CEACAM16: variants seen among roughly 807,000 people sequenced by gnomAD.
CEACAM16 encodes CEA cell adhesion molecule 16, tectorial membrane component, also known as cell adhesion molecule CEACAM16.
Under a neutral mutation model 39.4 loss-of-function variants are expected in CEACAM16, and 30 were observed. The observed-to-expected ratio is 0.76, with a 90% confidence interval of 0.57 to 1.03. The LOEUF (loss-of-function observed/expected upper bound fraction) is 1.03, where lower values mean the gene tolerates loss of function less well. Among genes scored for constraint, CEACAM16 ranks in the 50% least tolerant of loss-of-function variants. The pLI is 0.00. For missense variants in CEACAM16, 521 were observed against 585.3 expected (o/e 0.89, Z 1.13); for synonymous variants, 262 against 264.9 (o/e 0.99, Z 0.11).
At chr19:44,700,003 T>C (rs772792371) in intron 1 of CEACAM16, among the ~76,000 whole-genome samples, 8 of 151,870 alleles carry the variant, frequency 5.3e-5, no homozygotes, top group Non-Finnish European at 8.8e-5. Context: ...CTTTTATTTT[T>C]TGTTTTTGCT....
At chr19:44,707,737 G>A in intron 5 of CEACAM16, 124 bp from the exon 6 acceptor site, 1 of 784,246 alleles carries the variant, frequency 1.3e-6, no homozygotes, top group East Asian at 2.8e-5. Flanking sequence ...TCCTTCCTCA[G>A]TCTCCTTCCC....
chr19:44,705,668 C>T lies in CEACAM16; in HGVS notation c.740C>T (p.Ser247Phe). 6.2e-7 allele frequency: 1 copy of T among 1,613,914 alleles called. No homozygotes were observed. ...GCTIKVDFNT[S>F]LTLWCVSRSC... ...ACCATCAAAGTTGACTTCAACACGTCCCTCACCCTGTGGTGCGTGTCCAGG... is the reference window on the plus strand; with the variant it reads ...ACCATCAAAGTTGACTTCAACACGTTCCTCACCCTGTGGTGCGTGTCCAGG... Residue 247 changes from serine (S) to phenylalanine (F), a missense_variant, in exon 5 of 7, where the codon TCC (serine) becomes TTC (phenylalanine). Physicochemically the swap from Ser to Phe is radical, Grantham distance 155. Transcript: ENST00000587331.
At chr19:44,705,449 A>G (rs1974427231) in intron 4 of CEACAM16, 141 bp from the exon 5 acceptor site, 1 of 728,148 alleles carries the variant, frequency 1.4e-6, no homozygotes, top group African/African-American at 1.8e-5. Context: ...AACAAGTTAG[A>G]GTTAAGGCCA....
chr19:44,707,489 T>C (rs939553661), intron 5 of CEACAM16, among the ~76,000 whole-genome samples: 1 of 152,016 alleles, frequency 6.6e-6, no homozygotes, highest in Non-Finnish European at 1.5e-5. Context: ...AACCATCTCA[T>C]GGGGAAGACA....
chr19:44,708,027 C>A lies in CEACAM16; in HGVS notation c.1107C>A (p.Thr369=). The A allele has an allele frequency of 6.2e-7, 1 of 1,612,156 alleles. No individual in the cohort carries two copies. The change falls in exon 6 of 7, where the codon ACC becomes ACA. Residue 369 remains threonine, a synonymous_variant. Coordinates refer to ENST00000587331, the MANE Select transcript of CEACAM16 (RefSeq NM_001039213.4). ...TGCTCAGCCAGCTGCCGTCAGGAAC[C>A]TGGATTGCAGGCCCCGCGCACACAG... The part of the protein sequence containing the change: ...NRLLSQLPSG[T]WIAGPAHTGR...
At position 44,707,725 on chromosome 19, in the gene CEACAM16, C is replaced by T. The variant is rs534436653; in HGVS notation, c.941-136C>T. ...TCCACCTCCACCACCGCACAAGTCA[C>T]CTCCTTCCTCAGTCTCCTTCCCAGC... On this transcript the variant is annotated intron_variant, in intron 5 of 6. Transcript: ENST00000587331. The T allele has an allele frequency of 5.6e-5, 39 of 690,858 alleles. 1 individual carries two copies. In the African/African-American group the frequency reaches 6.3e-4, roughly 11 times the overall value. 42.8% of individuals were successfully genotyped at this position (690,858 alleles called of 1,614,324 possible). A position where few individuals can be genotyped will look rare whatever the true frequency, so the allele number is the denominator to read the frequency against.
Position 44,704,290 on chromosome 19 carries a change from G to A in CEACAM16, c.655G>A (p.Val219Met), listed in dbSNP as rs369718143. The A allele has an allele frequency of 1.0e-4, 152 of 1,505,758 alleles. No individual in the cohort carries two copies. Among genetic ancestry groups the A allele is most frequent in the Middle Eastern group, 1.7e-4 (1 of 5,844 alleles). The allele number at this position is 1,505,758 out of a possible 1,614,324, so 93.3% of individuals were successfully genotyped here. ...CCGCAGCGAGCCCATCAACCTGACC[G>A]TGTACTGTGAGTCCTCCTGGCCCCA... ...VSRSEPINLT[V>M]YFGPERVAIL... is the part of the protein sequence containing the mutation. The change falls in exon 4 of 7, where the codon GTG (valine) becomes ATG (methionine). Residue 219 changes from valine (V) to methionine (M), a missense_variant. Coordinates refer to ENST00000587331, the MANE Select transcript of CEACAM16 (RefSeq NM_001039213.4).
At chr19:44,707,504 C>G (rs1434807944) in intron 5 of CEACAM16, among the ~76,000 whole-genome samples, 1 of 151,866 alleles carries the variant, frequency 6.6e-6, no homozygotes, top group Admixed American at 6.6e-5. Context: ...AAGACATGGT[C>G]CCCATTTTCT....
Position 44,701,095 on chromosome 19 carries a change from G to C in CEACAM16, c.-96-266G>C, listed in dbSNP as rs1225487940. Among the ~76,000 whole-genome samples the C allele has an allele frequency of 1.3e-5, 2 of 152,208 alleles. No individual in the cohort carries two copies. The highest frequency in any genetic ancestry group is 2.9e-5 in the Non-Finnish European group (2 of 68,040). On this transcript the variant is annotated intron_variant, in intron 1 of 6. Coordinates refer to ENST00000587331, the MANE Select transcript of CEACAM16 (RefSeq NM_001039213.4). This position sits in a 1 kb window ranked among gnomAD's most constrained non-coding sequence, Gnocchi z 4.0. Reference sequence around the variant, plus strand: ...GGCTCTCTGAGGAGGCCACGGGCCTGGGTGGTTGGTAAGAACTACCCGAAA... The same window carrying C: ...GGCTCTCTGAGGAGGCCACGGGCCTCGGTGGTTGGTAAGAACTACCCGAAA...
intron 4 of CEACAM16, 80 bp from the exon 5 acceptor site, chr19:44,705,510 G>T: frequency 7.0e-7 from 1 of 1,434,150 alleles, no homozygotes; most frequent in South Asian, 1.4e-5. Context: ...GACCTAGCTT[G>T]GTGGAGAGAA....
rs554754239 is a variant in CEACAM16 at position 44,705,756 on chromosome 19, C to G, written c.828C>G (p.Asp276Glu). 9 of 1,613,904 alleles carry G rather than the reference C, an allele frequency of 5.6e-6. No homozygotes were observed. In the African/African-American group the frequency reaches 8.0e-5, roughly 14 times the overall value. Residue 276 changes from aspartate to glutamate, a missense_variant, in exon 5 of 7, where the codon GAC becomes GAG. Coordinates refer to ENST00000587331, the MANE Select transcript of CEACAM16 (RefSeq NM_001039213.4). The part of the protein sequence containing the change: ...FNGQALKNGQ[D>E]HLNISSMTAA... ...GGCAGGCCCTAAAGAACGGCCAAGA[C>G]CACCTCAACATCAGCAGCATGACAG...
chr19:44,707,570 C>T lies in CEACAM16; in HGVS notation c.941-291C>T, dbSNP rs56897407. 0.037 allele frequency among the ~76,000 whole-genome samples: 5,635 copies of T among 152,258 alleles called. 153 individuals are homozygous for T. Among genetic ancestry groups the T allele is most frequent in the African/African-American group, 0.067 (2,787 of 41,532 alleles). On this transcript the variant is annotated intron_variant, in intron 5 of 6. Transcript: ENST00000587331. ...CCCCTATATTTTGGGAATTTCCAATCTGATGGAGGAGACATGACCCAAGCC... is the reference window on the plus strand; with the variant it reads ...CCCCTATATTTTGGGAATTTCCAATTTGATGGAGGAGACATGACCCAAGCC...
Position 44,701,298 on chromosome 19 carries a change from G to A in CEACAM16, c.-96-63G>A. ...TACCCAAACCGGGCCCCAGATCCTT[G>A]GTGACTCGATCCCTCCAAATTCAGG... On this transcript the variant is annotated intron_variant, in intron 1 of 6. Coordinates refer to ENST00000587331, the MANE Select transcript of CEACAM16 (RefSeq NM_001039213.4). The surrounding 1 kb of genome is among the most constrained non-coding windows in gnomAD (Gnocchi z 4.0). 1 of 823,092 alleles carries A rather than the reference G, an allele frequency of 1.2e-6. No homozygotes were observed. The highest frequency in any genetic ancestry group is 1.5e-5 in the South Asian group (1 of 66,742). 51.0% of individuals were successfully genotyped at this position (823,092 alleles called of 1,614,324 possible).
Position 44,707,834 on chromosome 19 carries a change from G to T in CEACAM16, c.941-27G>T. On this transcript the variant is annotated intron_variant, in intron 5 of 6. Transcript: ENST00000587331. ...CACCATGCCAGATGCAGACCAAACT[G>T]ACCCAGCCCGCTCGCTCTCTCCCCA... 3 of 1,490,644 alleles carry T rather than the reference G, an allele frequency of 2.0e-6. No individual in the cohort carries two copies. The South Asian group carries it at 4.1e-5, about 21-fold the overall frequency. The allele number at this position is 1,490,644 out of a possible 1,614,324, so 92.3% of individuals were successfully genotyped here.
At chr19:44,702,428 C>T (rs894190) in intron 2 of CEACAM16, among the ~76,000 whole-genome samples, 2,687 of 152,328 alleles carry the variant, frequency 0.018, 75 homozygotes, top group African/African-American at 0.061. Context: ...GGACTGAGGG[C>T]TAGACCCAGA....
chr19:44,710,443 T>C (rs1328043021), intron 6 of CEACAM16, 53 bp from the exon 7 acceptor site: 30 of 1,591,626 alleles, frequency 1.9e-5, no homozygotes, highest in Non-Finnish European at 2.3e-5. Context: ...GGGGACCTGG[T>C]CCTCCATCTC....
chr19:44,702,593 G>C (rs979825635), intron 2 of CEACAM16, among the ~76,000 whole-genome samples: 1 of 152,242 alleles, frequency 6.6e-6, no homozygotes, highest in East Asian at 1.9e-4. Flanking sequence ...CCAGCTCATC[G>C]GGCTTGGGGC....
chr19:44,706,258 G>A (rs1258696031), intron 5 of CEACAM16, among the ~76,000 whole-genome samples: 1 of 120,538 alleles, frequency 8.3e-6, no homozygotes, highest in African/African-American at 3.3e-5. Flanking sequence ...ATCTGACCCA[G>A]ATGATGGGTA....
At chr19:44,704,687 A>G (rs1369669605) in intron 4 of CEACAM16, among the ~76,000 whole-genome samples, 1 of 151,942 alleles carries the variant, frequency 6.6e-6, no homozygotes, top group Non-Finnish European at 1.5e-5. Context: ...GCAGTAAGCT[A>G]TGATTGCACC....
Sources: gnomAD v4.1 joint callset for allele counts (sites outside exome capture counted in the v4.1 genomes callset) on GRCh38, gnomAD v4.1.1 for gene constraint, Gnocchi (gnomAD v3.1) non-coding constraint, MANE v1.5 for transcripts, NCBI Gene and HGNC (gene_info 2026-07-23, HGNC 2026-07-21) for gene names.